Variants in GREM2 observed in about 807,000 individuals in gnomAD.
The protein encoded by GREM2 is gremlin 2, DAN family BMP antagonist.
GREM2 carries 11 observed loss-of-function variants against 14.2 expected under a neutral mutation model. The observed-to-expected ratio is 0.78, with a 90% confidence interval of 0.49 to 1.28. The LOEUF (loss-of-function observed/expected upper bound fraction) is 1.28. Among genes scored for constraint, GREM2 ranks in the 50% most tolerant of loss-of-function variants. GREM2 has a pLI of 0.00. For missense variants in GREM2, 210 were observed against 218.5 expected, an observed-to-expected ratio of 0.96 and a Z score of 0.24; for synonymous variants, 98 against 97.6, an observed-to-expected ratio of 1.00 and a Z score of -0.02.
At chr1:240,504,680 T>C (rs1677642856) in intron 1 of GREM2, among the ~76,000 whole-genome samples, 1 of 152,194 alleles carries the variant, frequency 6.6e-6, no homozygotes, top group Admixed American at 6.5e-5. Context: ...GACTAATCAG[T>C]TCCTTTTGCA....
chr1:240,506,620 A>G (rs971129713), intron 1 of GREM2, among the ~76,000 whole-genome samples: 3 of 152,230 alleles, frequency 2.0e-5, no homozygotes, highest in Non-Finnish European at 4.4e-5. Context: ...CGGATTAAAA[A>G]TGAACACCAA....
At chr1:240,590,395 T>G (rs28406783) in intron 1 of GREM2, among the ~76,000 whole-genome samples, 2 of 151,998 alleles carry the variant, frequency 1.3e-5, no homozygotes, top group South Asian at 4.1e-4. Context: ...CTGCTCTTTA[T>G]GGGTTTGAGG....
intron 1 of GREM2, among the ~76,000 whole-genome samples, chr1:240,555,729 A>C (rs568741398): frequency 6.6e-6 from 1 of 152,222 alleles, no homozygotes; most frequent in Non-Finnish European, 1.5e-5. Context: ...TGTACCTTCA[A>C]TAATTTGAGA....
chr1:240,584,480 G>A (rs1270176088), intron 1 of GREM2, among the ~76,000 whole-genome samples: 4 of 134,706 alleles, frequency 3.0e-5, no homozygotes, highest in African/African-American at 1.2e-4. Flanking sequence ...GGGTGACAGA[G>A]CGAGACTCCA....
chr1:240,607,035 T>G (rs898146194), intron 1 of GREM2, among the ~76,000 whole-genome samples: 4 of 152,216 alleles, frequency 2.6e-5, no homozygotes, highest in Non-Finnish European at 5.9e-5. Flanking sequence ...GCTCTAAGTC[T>G]TAGTAATGTC....
intron 1 of GREM2, among the ~76,000 whole-genome samples, chr1:240,599,132 G>T (rs766566881): frequency 6.6e-6 from 1 of 152,092 alleles, no homozygotes; most frequent in Non-Finnish European, 1.5e-5. Context: ...GCCTGGTGTG[G>T]TGGTGCACGC....
At chr1:240,541,110 C>T (rs1678577981) in intron 1 of GREM2, among the ~76,000 whole-genome samples, 1 of 152,208 alleles carries the variant, frequency 6.6e-6, no homozygotes, top group South Asian at 2.1e-4. Flanking sequence ...CCTTTTGAAA[C>T]TTCCCTGGGA....
At chr1:240,547,532 T>TACATAGACAGATAG (rs1553275859) in intron 1 of GREM2, among the ~76,000 whole-genome samples, 2 of 121,874 alleles carry the variant, frequency 1.6e-5, no homozygotes, top group African/African-American at 7.4e-5. Context: ...TATATATATA[T>TACATAGACAGATAG]ATAGATAGAT....
rs560760513 is a variant in GREM2 at position 240,604,462 on chromosome 1, A to G, written c.-2+7422T>C. The stretch of plus-strand genomic sequence containing the variant: ...TTTAAGTACTAGGTAAGTGTAAGTG[A>G]TATTTTGAGACTCTGGTATCAACTG... On this transcript the variant is annotated intron_variant, in intron 1 of 1. Coordinates refer to ENST00000318160, the MANE Select transcript of GREM2 (RefSeq NM_022469.4). 2.6e-5 allele frequency among the ~76,000 whole-genome samples: 4 copies of G among 152,268 alleles called. No homozygotes were observed. The East Asian group carries it at 7.7e-4, about 29-fold the overall frequency.
chr1:240,608,420 C>A (rs1306825937), intron 1 of GREM2, among the ~76,000 whole-genome samples: 4 of 152,146 alleles, frequency 2.6e-5, no homozygotes, highest in Non-Finnish European at 5.9e-5. Flanking sequence ...AACGTAGCTA[C>A]CATAATTAGA....
chr1:240,596,092 G>A (rs1679814608), intron 1 of GREM2, among the ~76,000 whole-genome samples: 1 of 152,128 alleles, frequency 6.6e-6, no homozygotes, highest in African/African-American at 2.4e-5. Flanking sequence ...TAAGTGTTCT[G>A]CTATTGTGTA....
chr1:240,582,069 A>G lies in GREM2; in HGVS notation c.-2+29815T>C, dbSNP rs191996823. 2.2e-3 allele frequency among the ~76,000 whole-genome samples: 334 copies of G among 152,368 alleles called. 1 individual carries two copies. The highest frequency in any genetic ancestry group is 3.5e-3 in the Non-Finnish European group (241 of 68,042). On this transcript the variant is annotated intron_variant, in intron 1 of 1. Transcript: ENST00000318160. The stretch of plus-strand genomic sequence containing the variant: ...GGTGGCAGCTGAAAGGTGACTTTCC[A>G]ACAAGTGTTCAGGTGATGCTGGTGT...
At position 240,500,762 on chromosome 1, in the gene GREM2, C is replaced by T. The variant is rs145801322; in HGVS notation, c.-1-7286G>A. On this transcript the variant is annotated intron_variant, in intron 1 of 1. Coordinates refer to ENST00000318160, the MANE Select transcript of GREM2 (RefSeq NM_022469.4). ...TTTATTCATTCAGCTTATGGAGGAA[C>T]AGTTTTTTTGCTTCCAGTTTTTCAC... Among the ~76,000 whole-genome samples the T allele has an allele frequency of 2.2e-3, 340 of 152,272 alleles. 1 individual carries two copies. Among genetic ancestry groups the T allele is most frequent in the African/African-American group, 7.8e-3 (325 of 41,536 alleles).
chr1:240,525,417 G>A (rs1362418045), intron 1 of GREM2, among the ~76,000 whole-genome samples: 3 of 152,076 alleles, frequency 2.0e-5, no homozygotes, highest in African/African-American at 7.2e-5. Context: ...TGTGCAACCT[G>A]TAATCCTCCT....
At chr1:240,537,088 T>C (rs1678490033) in intron 1 of GREM2, among the ~76,000 whole-genome samples, 1 of 152,242 alleles carries the variant, frequency 6.6e-6, no homozygotes, top group African/African-American at 2.4e-5. Flanking sequence ...ACAGATTTTT[T>C]TCCCCAGAAG....
At chr1:240,537,741 C>T (rs1338936936) in intron 1 of GREM2, among the ~76,000 whole-genome samples, 2 of 151,998 alleles carry the variant, frequency 1.3e-5, no homozygotes, top group African/African-American at 2.4e-5. Flanking sequence ...GCCGAGATGG[C>T]GCCACTGCAC....
chr1:240,600,470 T>C (rs1452870754), intron 1 of GREM2, among the ~76,000 whole-genome samples: 1 of 150,746 alleles, frequency 6.6e-6, no homozygotes, highest in Non-Finnish European at 1.5e-5. Flanking sequence ...TGTGTTTTTA[T>C]TGTTTTCTTT....
At chr1:240,515,592 AT>A (rs1327127245) in intron 1 of GREM2, among the ~76,000 whole-genome samples, 1 of 152,170 alleles carries the variant, frequency 6.6e-6, no homozygotes, top group African/African-American at 2.4e-5. Flanking sequence ...TGAGGTTGGA[AT>A]TTATGAGTAA....
At chr1:240,509,240 C>T (rs1383131287) in intron 1 of GREM2, among the ~76,000 whole-genome samples, 1 of 152,102 alleles carries the variant, frequency 6.6e-6, no homozygotes, top group Non-Finnish European at 1.5e-5. Flanking sequence ...TTGAGAGAGG[C>T]CCCTGCACCG....
Sources: allele counts gnomAD v4.1 joint callset (sites outside exome capture counted in the v4.1 genomes callset), GRCh38; gene constraint gnomAD v4.1.1; transcripts MANE v1.5; gene names NCBI Gene and HGNC (gene_info 2026-07-23, HGNC 2026-07-21).